Variants in PIGF observed in about 807,000 individuals in gnomAD.
PIGF encodes GPI ethanolamine phosphate transferase, stabilizing subunit.
PIGF carries 23 observed loss-of-function variants against 26.0 expected under a neutral mutation model. The ratio of observed to expected loss-of-function variants is 0.88; its 90% confidence interval spans 0.64 to 1.25. PIGF has a LOEUF of 1.25. Among genes scored for constraint, PIGF ranks in the 50% most tolerant of loss-of-function variants. The pLI, the probability that PIGF is intolerant of heterozygous loss-of-function variation, is 0.00. For missense variants in PIGF, 278 were observed against 249.9 expected (o/e 1.11, Z -0.76); for synonymous variants, 93 against 92.6 (o/e 1.00, Z -0.03).
rs1670144640 is a variant in PIGF, at chr2:46,604,130, C to T, written c.437+8098G>A. On this transcript the variant is annotated intron_variant, in intron 4 of 5. Transcript: ENST00000281382. ...TGAAAAGGTGCTCAATATCACTGGT[C>T]GTCAGAGAAATGCAAATCAATACTA... Among the ~76,000 whole-genome samples the T allele has an allele frequency of 2.0e-5, 3 of 151,938 alleles. No homozygotes were observed. The South Asian group carries it at 6.2e-4, about 31-fold the overall frequency.
intron 4 of PIGF, among the ~76,000 whole-genome samples, chr2:46,609,809 G>C (rs1670349784): frequency 6.6e-6 from 1 of 152,062 alleles, no homozygotes; most frequent in Admixed American, 6.6e-5. Context: ...ATGAGCCATG[G>C]TGCCCCAAAA....
At chr2:46,602,285 A>T (rs1670084155) in intron 4 of PIGF, among the ~76,000 whole-genome samples, 1 of 151,956 alleles carries the variant, frequency 6.6e-6, no homozygotes, top group Non-Finnish European at 1.5e-5. Context: ...TCCCAATAGT[A>T]TCAGAATTGA....
chr2:46,587,799 C>T (rs1314451940), intron 5 of PIGF, among the ~76,000 whole-genome samples: 1 of 152,078 alleles, frequency 6.6e-6, no homozygotes, highest in African/African-American at 2.4e-5. Context: ...ATACAGACAC[C>T]ACCACAACGG....
chr2:46,588,035 A>T lies in PIGF; in HGVS notation c.546+4440T>A. 6.7e-7 allele frequency: 1 copy of T among 1,496,538 alleles called. No homozygotes were observed. The highest frequency in any genetic ancestry group is 8.9e-7 in the Non-Finnish European group (1 of 1,121,570). The allele number at this position is 1,496,538 out of a possible 1,614,324, so 92.7% of individuals were successfully genotyped here. ...AAGATGTGTACTCCTCCCCTCTCAC[A>T]CTTGGACTTTCTAGTGTATAAAATG... On this transcript the variant is annotated intron_variant, in intron 5 of 5. Transcript: ENST00000281382. This position sits in a 1 kb window ranked among gnomAD's most constrained non-coding sequence, Gnocchi z 4.1.
intron 4 of PIGF, among the ~76,000 whole-genome samples, chr2:46,595,351 G>A (rs1017226731): frequency 5.3e-5 from 8 of 152,088 alleles, no homozygotes; most frequent in Admixed American, 5.2e-4. Context: ...CATATAAATG[G>A]AATCATAAAG....
intron 4 of PIGF, among the ~76,000 whole-genome samples, chr2:46,594,854 T>C (rs565396575): frequency 6.6e-6 from 1 of 150,670 alleles, no homozygotes; most frequent in Non-Finnish European, 1.5e-5. Flanking sequence ...TTTTTTTTGT[T>C]TGTTTTTGTT....
At chr2:46,598,529 A>ATTTTTTTTTTTTT (rs747263045) in intron 4 of PIGF, among the ~76,000 whole-genome samples, 2,465 of 103,374 alleles carry the variant, frequency 0.024, 220 homozygotes, top group African/African-American at 0.047. Flanking sequence ...ACATTATGAG[A>ATTTTTTTTTTTTT]TTTTTTTTTT....
At chr2:46,584,318 TGA>T (rs1669498571) in intron 5 of PIGF, among the ~76,000 whole-genome samples, 1 of 152,198 alleles carries the variant, frequency 6.6e-6, no homozygotes, top group South Asian at 2.1e-4. Context: ...CTATTTATGC[TGA>T]GAGTCTACTA....
At chr2:46,611,772 A>G (rs1255848369) in intron 4 of PIGF, among the ~76,000 whole-genome samples, 3 of 152,186 alleles carry the variant, frequency 2.0e-5, no homozygotes, top group African/African-American at 7.2e-5. Context: ...ATCTTATCAC[A>G]AAAAAGGCTA....
rs377251503 is a variant in PIGF at position 46,615,147 on chromosome 2, G to A, written c.18C>T (p.Ile6=). 1 of 1,516,128 alleles carries A rather than the reference G, an allele frequency of 6.6e-7. No homozygotes were observed. 93.9% of individuals were successfully genotyped at this position (1,516,128 alleles called of 1,614,324 possible). A position where few individuals can be genotyped will look rare whatever the true frequency, so the allele number is the denominator to read the frequency against. The change falls in exon 2 of 6, where the codon ATC becomes ATT. Residue 6 remains isoleucine (I), a synonymous_variant. Transcript: ENST00000281382. MKDND[I]KRLLYTHLLC... ...AAAGATGGGTATACAGTAGTCTCTT[G>A]ATATCGTTATCTTTCATGGTGTTTT... is the stretch of plus-strand genomic sequence containing the variant.
Position 46,588,263 on chromosome 2 carries a change from T to C in PIGF, c.546+4212A>G. ...ACTAAATACCAGAGAAATAGATAAA[T>C]TAACAGTCCACTCTACCAACTGAAA... On this transcript the variant is annotated intron_variant, in intron 5 of 5. Transcript: ENST00000281382. This position sits in a 1 kb window ranked among gnomAD's most constrained non-coding sequence, Gnocchi z 4.1. The C allele has an allele frequency of 1.3e-6, 2 of 1,551,132 alleles. No homozygotes were observed. The highest frequency in any genetic ancestry group is 1.7e-6 in the Non-Finnish European group (2 of 1,148,240).
chr2:46,594,393 A>G (rs1669816432), intron 4 of PIGF, among the ~76,000 whole-genome samples: 1 of 151,844 alleles, frequency 6.6e-6, no homozygotes, highest in Admixed American at 6.6e-5. Flanking sequence ...GTTCAGCTGG[A>G]TTGGAAAGAA....
At chr2:46,603,641 A>G (rs1276445946) in intron 4 of PIGF, among the ~76,000 whole-genome samples, 1 of 152,086 alleles carries the variant, frequency 6.6e-6, no homozygotes, top group Non-Finnish European at 1.5e-5. Context: ...TGGCAGGAAA[A>G]CTGGATATCC....
intron 4 of PIGF, among the ~76,000 whole-genome samples, chr2:46,605,856 T>A (rs1670205525): frequency 6.6e-6 from 1 of 152,186 alleles, no homozygotes; most frequent in Non-Finnish European, 1.5e-5. Flanking sequence ...TAGATTGCTC[T>A]GAGAAACTCT....
chr2:46,591,787 T>C, intron 5 of PIGF: 1 of 1,255,180 alleles, frequency 8.0e-7, no homozygotes, highest in South Asian at 1.3e-5. Context: ...AAAATGGGTA[T>C]AAAAAGAGCA....
Position 46,589,070 on chromosome 2 carries a change from AG to A in PIGF, c.546+3404del, listed in dbSNP as rs1412812299. ...TATTTGTTTTCTTGCTGAGATTTTA[AG>A]GCAAATAAGGTAGAGGCAAGAAGAT... On this transcript the variant is annotated intron_variant, in intron 5 of 5. Coordinates refer to ENST00000281382, the MANE Select transcript of PIGF (RefSeq NM_002643.4). This position sits in a 1 kb window ranked among gnomAD's most constrained non-coding sequence, Gnocchi z 4.7. Among the ~76,000 whole-genome samples the A allele has an allele frequency of 3.3e-5, 5 of 152,088 alleles. No individual in the cohort carries two copies. Among genetic ancestry groups the A allele is most frequent in the Non-Finnish European group, 5.9e-5 (4 of 67,944 alleles).
At chr2:46,603,296 C>A (rs1451498578) in intron 4 of PIGF, among the ~76,000 whole-genome samples, 1 of 151,790 alleles carries the variant, frequency 6.6e-6, no homozygotes, top group Non-Finnish European at 1.5e-5. Flanking sequence ...CAAAGCAATC[C>A]ACAGATTCAA....
chr2:46,613,477 A>G (rs746114399), intron 3 of PIGF, among the ~76,000 whole-genome samples: 1 of 152,174 alleles, frequency 6.6e-6, no homozygotes, highest in African/African-American at 2.4e-5. Context: ...TCAACATGCA[A>G]TTGGATACTA....
At chr2:46,592,120 A>T (rs1669740069) in intron 5 of PIGF, among the ~76,000 whole-genome samples, 1 of 152,182 alleles carries the variant, frequency 6.6e-6, no homozygotes, top group Admixed American at 6.5e-5. Context: ...GGGAGGCTGA[A>T]GCAGGAAGAT....
Sources: allele counts gnomAD v4.1 joint callset (sites outside exome capture counted in the v4.1 genomes callset), GRCh38; gene constraint gnomAD v4.1.1; non-coding constraint Gnocchi (gnomAD v3.1); transcripts MANE v1.5; gene names NCBI Gene and HGNC (gene_info 2026-07-23, HGNC 2026-07-21).